The following LRRC20 variants were observed in gnomAD, a reference collection of about 807,000 sequenced individuals.
LRRC20 encodes the protein leucine-rich repeat-containing protein 20.
LRRC20 carries 11 observed loss-of-function variants against 14.4 expected under a neutral mutation model. That is an observed-to-expected ratio of 0.77 (90% CI 0.48 to 1.27). The LOEUF (loss-of-function observed/expected upper bound fraction) is 1.27. LRRC20 is among the 50% of genes most tolerant of loss of function. The pLI, the probability that LRRC20 is intolerant of heterozygous loss-of-function variation, is 0.00. For synonymous variants in LRRC20, 121 were observed against 107.3 expected (o/e 1.13, Z -0.79); for missense variants, 219 against 251.2 (o/e 0.87, Z 0.87).
At chr10:70,304,499 TATATATA>T in intron 4 of LRRC20, among the ~76,000 whole-genome samples, 1 of 129,088 alleles carries the variant, frequency 7.7e-6, no homozygotes, top group East Asian at 2.1e-4. Flanking sequence ...TATATATATA[TATATATA>T]TTTTACTAAG....
intron 3 of LRRC20, among the ~76,000 whole-genome samples, chr10:70,329,879 A>C (rs923513469): frequency 2.6e-5 from 4 of 152,136 alleles, no homozygotes; most frequent in Non-Finnish European, 5.9e-5. Flanking sequence ...CTTTTCATAT[A>C]ATAGATTACA....
chr10:70,352,748 C>A (rs11596954), intron 2 of LRRC20, among the ~76,000 whole-genome samples: 1 of 152,120 alleles, frequency 6.6e-6, no homozygotes, highest in Non-Finnish European at 1.5e-5. Flanking sequence ...ACCTAACACT[C>A]CCCTTTAAAA....
At chr10:70,334,149 TA>T (rs71472955) in intron 3 of LRRC20, among the ~76,000 whole-genome samples, 38,200 of 142,402 alleles carry the variant, frequency 0.27, 5,198 homozygotes, top group African/African-American at 0.34. Flanking sequence ...GACTCCATCT[TA>T]AAAAAAAAAA....
At chr10:70,368,912 C>T (rs925811668) in intron 2 of LRRC20, among the ~76,000 whole-genome samples, 6 of 152,130 alleles carry the variant, frequency 3.9e-5, no homozygotes, top group South Asian at 2.1e-4. Context: ...TGTGAGCTAC[C>T]GTGCCCGGCC....
intron 2 of LRRC20, among the ~76,000 whole-genome samples, chr10:70,359,743 G>C (rs1843651470): frequency 6.6e-6 from 1 of 151,986 alleles, no homozygotes; most frequent in Non-Finnish European, 1.5e-5. Context: ...ATTTTTGCTG[G>C]TACTGTTCCC....
At chr10:70,366,307 C>A (rs1160907583) in intron 2 of LRRC20, among the ~76,000 whole-genome samples, 1 of 151,560 alleles carries the variant, frequency 6.6e-6, no homozygotes, top group African/African-American at 2.4e-5. Context: ...CCTGTAATCC[C>A]AGCTGCTCGG....
intron 4 of LRRC20, among the ~76,000 whole-genome samples, chr10:70,319,358 G>A (rs1388233327): frequency 6.6e-6 from 1 of 152,142 alleles, no homozygotes; most frequent in East Asian, 1.9e-4. Context: ...TGAGCACGTG[G>A]TGAGGCCCTA....
intron 2 of LRRC20, among the ~76,000 whole-genome samples, chr10:70,341,762 C>T (rs568117024): frequency 3.0e-4 from 45 of 152,038 alleles, no homozygotes; most frequent in African/African-American, 8.9e-4. Flanking sequence ...AACAAGACTC[C>T]GTCTCCCCAC....
intron 2 of LRRC20, among the ~76,000 whole-genome samples, chr10:70,363,141 G>A (rs963659298): frequency 5.3e-5 from 8 of 151,810 alleles, no homozygotes; most frequent in African/African-American, 9.7e-5. Context: ...AGCCAGGCAT[G>A]GTGATGTGTG....
chr10:70,346,765 T>G (rs1032018772), intron 2 of LRRC20, among the ~76,000 whole-genome samples: 1 of 152,262 alleles, frequency 6.6e-6, no homozygotes, highest in African/African-American at 2.4e-5. Context: ...AATTATAGTC[T>G]TCATGGTTGT....
intron 2 of LRRC20, among the ~76,000 whole-genome samples, chr10:70,361,623 T>C (rs992416404): frequency 3.3e-5 from 5 of 152,128 alleles, no homozygotes; most frequent in African/African-American, 1.2e-4. Flanking sequence ...TACAAAGATT[T>C]GGGGAAAGGA....
chr10:70,368,111 G>A (rs1242197308), intron 2 of LRRC20, among the ~76,000 whole-genome samples: 1 of 149,052 alleles, frequency 6.7e-6, no homozygotes, highest in Non-Finnish European at 1.5e-5. Context: ...AGCCTCTCAA[G>A]TAGCTGAGAC....
chr10:70,303,746 A>G (rs1841300422), intron 4 of LRRC20, among the ~76,000 whole-genome samples: 2 of 152,204 alleles, frequency 1.3e-5, no homozygotes, highest in Admixed American at 1.3e-4. Context: ...AGACAGCCCT[A>G]AGCTGATGCC....
chr10:70,340,790 G>A lies in LRRC20; in HGVS notation c.83-88C>T, dbSNP rs1589089448. ...AGACTCACACAGACCCCACCTCCAT[G>A]CCCCCTTCCAGCCTCCTTGCCCTCC... On this transcript the variant is annotated intron_variant, in intron 2 of 4. Coordinates refer to ENST00000446961, the MANE Select transcript of LRRC20 (RefSeq NM_001278212.2). 8 of 1,414,886 alleles carry A rather than the reference G, an allele frequency of 5.7e-6. No homozygotes were observed. In the East Asian group the frequency reaches 1.9e-4, roughly 34 times the overall value. The allele number at this position is 1,414,886 out of a possible 1,614,324, so 87.6% of individuals were successfully genotyped here.
At chr10:70,345,582 T>C (rs78854460) in intron 2 of LRRC20, among the ~76,000 whole-genome samples, 2,328 of 152,078 alleles carry the variant, frequency 0.015, 24 homozygotes, top group Middle Eastern at 0.031. Flanking sequence ...CTCAATATAA[T>C]TGAATAAAGA....
At chr10:70,301,605 G>GGAGCACCTGATGGTGAA (rs1471219573) in intron 4 of LRRC20, 97 bp from the exon 5 acceptor site, 1 of 1,441,260 alleles carries the variant, frequency 6.9e-7, no homozygotes, top group African/African-American at 1.4e-5. Context: ...CTGATGGTGA[G>GGAGCACCTGATGGTGAA]GGGCAGCTCT....
chr10:70,329,772 C>A (rs1246206029), intron 3 of LRRC20, among the ~76,000 whole-genome samples: 1 of 152,042 alleles, frequency 6.6e-6, no homozygotes, highest in African/African-American at 2.4e-5. Context: ...CCCATGTTGC[C>A]CAGGCTGGTC....
intron 4 of LRRC20, among the ~76,000 whole-genome samples, chr10:70,306,299 C>T (rs1841423743): frequency 6.6e-6 from 1 of 152,136 alleles, no homozygotes; most frequent in Admixed American, 6.5e-5. Context: ...TAACCCATGG[C>T]CCACAGTTCA....
chr10:70,360,806 A>G (rs1589115519), intron 2 of LRRC20, among the ~76,000 whole-genome samples: 1 of 152,244 alleles, frequency 6.6e-6, no homozygotes, highest in South Asian at 2.1e-4. Flanking sequence ...AAAGTTGTCA[A>G]CGTGTTTGTC....
Sources: gnomAD v4.1 joint callset for allele counts (sites outside exome capture counted in the v4.1 genomes callset) on GRCh38, gnomAD v4.1.1 for gene constraint, MANE v1.5 for transcripts, NCBI Gene and HGNC (gene_info 2026-07-23, HGNC 2026-07-21) for gene names.